The following KCNAB2 variants were observed in gnomAD, a reference collection of about 807,000 sequenced individuals.
KCNAB2 encodes voltage-gated potassium channel subunit beta-2.
Under a neutral mutation model 63.6 loss-of-function variants are expected in KCNAB2, and 29 were observed. That is an observed-to-expected ratio of 0.46 (90% confidence interval 0.34 to 0.62). KCNAB2 has a LOEUF of 0.62. Ranked by LOEUF, KCNAB2 falls within the 20% of genes least tolerant of loss-of-function variation. The probability of loss-of-function intolerance (pLI) is 0.01; values close to 1 mark genes in which losing one functional copy is unlikely to be tolerated. For missense variants in KCNAB2, 359 were observed against 563.9 expected (o/e 0.64, Z 3.68); for synonymous variants, 222 against 224.2 (o/e 0.99, Z 0.09).
chr1:6,095,259 TGCCCCGGCAGCC>T, intron 11 of KCNAB2, 52 bp from the exon 12 acceptor site: 1 of 1,533,078 alleles, frequency 6.5e-7, no homozygotes, highest in Admixed American at 2.0e-5. Flanking sequence ...TCTCCATGGC[TGCCCCGGCAGCC>T]TCCCGCCTGC....
chr1:6,008,688 G>A (rs1294314805), intron 1 of KCNAB2, among the ~76,000 whole-genome samples: 1 of 151,124 alleles, frequency 6.6e-6, no homozygotes, highest in Non-Finnish European at 1.5e-5. Flanking sequence ...GGTATCAACA[G>A]AACTGCAGCA....
intron 1 of KCNAB2, among the ~76,000 whole-genome samples, chr1:6,047,242 G>A (rs1299030684): frequency 2.6e-5 from 4 of 152,170 alleles, no homozygotes; most frequent in Admixed American, 2.0e-4. Context: ...GCAGGAGCCC[G>A]GCAGTGGGGC....
intron 2 of KCNAB2, among the ~76,000 whole-genome samples, chr1:6,057,262 T>C (rs1661919294): frequency 6.6e-6 from 1 of 151,894 alleles, no homozygotes; most frequent in Non-Finnish European, 1.5e-5. Context: ...TTTCCTGTGC[T>C]TTCTGACTCT....
intron 1 of KCNAB2, among the ~76,000 whole-genome samples, chr1:5,995,256 C>G (rs1281307412): frequency 6.6e-6 from 1 of 152,184 alleles, no homozygotes; most frequent in African/African-American, 2.4e-5. Flanking sequence ...GGACTTGGGT[C>G]TTGGCACCCA....
chr1:6,093,829 C>T (rs1665393224), intron 10 of KCNAB2, among the ~76,000 whole-genome samples: 1 of 152,214 alleles, frequency 6.6e-6, no homozygotes, highest in African/African-American at 2.4e-5. Flanking sequence ...ATGAGCTCAG[C>T]CCCGAAGCCC....
intron 1 of KCNAB2, chr1:6,018,883 A>G (rs1314087643): frequency 1.3e-5 from 2 of 152,228 alleles, no homozygotes; most frequent in African/African-American, 2.4e-5. Flanking sequence ...AGATAACAAG[A>G]TAGCTTGGCT....
In KCNAB2 at chr1:6,035,720, C is replaced by T. The variant is rs1659982503; in HGVS notation, c.-53+926C>T. Among the ~76,000 whole-genome samples, 1 of 150,280 alleles carries T rather than the reference C, an allele frequency of 6.7e-6. No individual in the cohort carries two copies. The highest frequency in any genetic ancestry group is 6.6e-5 in the Admixed American group (1 of 15,080). ...TCCCCACCCTCATAGCTGAGCCACACAGGCAGGAAATAAACAGCTCTGGGG... is the reference window on the plus strand; with the variant it reads ...TCCCCACCCTCATAGCTGAGCCACATAGGCAGGAAATAAACAGCTCTGGGG... On this transcript the variant is annotated intron_variant, in intron 1 of 15. Coordinates refer to the KCNAB2 transcript ENST00000164247. This position sits in a 1 kb window ranked among gnomAD's most constrained non-coding sequence, Gnocchi z 5.0.
chr1:6,001,234 A>G (rs944397466), intron 1 of KCNAB2, among the ~76,000 whole-genome samples: 1 of 151,848 alleles, frequency 6.6e-6, no homozygotes, highest in Non-Finnish European at 1.5e-5. Context: ...TGGAGGCCCC[A>G]GGCCCTACCC....
chr1:6,077,844 G>T (rs1423573821), intron 4 of KCNAB2, among the ~76,000 whole-genome samples: 1 of 152,228 alleles, frequency 6.6e-6, no homozygotes, highest in Admixed American at 6.5e-5. Flanking sequence ...GGGTAAAGAG[G>T]CAGGCAAGAC....
At chr1:6,056,601 T>C (rs1236065036) in intron 2 of KCNAB2, among the ~76,000 whole-genome samples, 1 of 152,018 alleles carries the variant, frequency 6.6e-6, no homozygotes, top group East Asian at 1.9e-4. Flanking sequence ...TTTCCTCTGC[T>C]CCCCATGGTG....
At chr1:6,039,348 A>G (rs1392016252) in intron 1 of KCNAB2, among the ~76,000 whole-genome samples, 1 of 152,164 alleles carries the variant, frequency 6.6e-6, no homozygotes. Flanking sequence ...GAAGCCCCCA[A>G]CCAGCAGCCA....
At chr1:6,095,465 G>GCGCCCCCCCC in intron 12 of KCNAB2, 22 bp downstream of exon 12, 4 of 1,586,166 alleles carry the variant, frequency 2.5e-6, no homozygotes, top group Non-Finnish European at 3.5e-6. Flanking sequence ...CGGGCCCCTC[G>GCGCCCCCCCC]CCCCGCCCCA....
At chr1:6,029,935 C>A (rs1041448411), upstream of KCNAB2, among the ~76,000 whole-genome samples, 4 of 152,232 alleles carry the variant, frequency 2.6e-5, no homozygotes, top group African/African-American at 2.4e-5. Context: ...TCCTCTCCAG[C>A]CTCAAAGTAC....
chr1:6,094,097 C>A (rs1002959942), intron 10 of KCNAB2, among the ~76,000 whole-genome samples: 2 of 152,200 alleles, frequency 1.3e-5, no homozygotes, highest in Admixed American at 1.3e-4. Flanking sequence ...ATTGTCCCCT[C>A]TAATCTACCA....
intron 1 of KCNAB2, among the ~76,000 whole-genome samples, chr1:6,012,052 G>A (rs558348329): frequency 2.4e-4 from 37 of 151,076 alleles, no homozygotes; most frequent in Middle Eastern, 3.5e-3. Context: ...GAGGTGGTGG[G>A]TGGAGGTGAT....
chr1:6,093,140 T>C (rs1036953293), intron 10 of KCNAB2, among the ~76,000 whole-genome samples: 3 of 152,062 alleles, frequency 2.0e-5, no homozygotes, highest in Non-Finnish European at 4.4e-5. Flanking sequence ...TCAGCCCCAC[T>C]CCCAGCATTT....
At chr1:6,044,337 T>C (rs1268029031), upstream of KCNAB2, among the ~76,000 whole-genome samples, 1 of 151,748 alleles carries the variant, frequency 6.6e-6, no homozygotes, top group African/African-American at 2.4e-5. Context: ...GCATTTGGGG[T>C]CCAAGGAAGG....
rs987403811 is a variant in KCNAB2 at position 6,074,221 on chromosome 1, T to G, written c.300+451T>G. ...GTGTCACAAGCTGAAGAACCTGAGATCTGCATTTCACCCAACATCCACTGT... is the reference window on the plus strand; with the variant it reads ...GTGTCACAAGCTGAAGAACCTGAGAGCTGCATTTCACCCAACATCCACTGT... On this transcript the variant is annotated intron_variant, in intron 4 of 15. Transcript: ENST00000378083. The surrounding 1 kb of genome is among the most constrained non-coding windows in gnomAD (Gnocchi z 4.9). Among the ~76,000 whole-genome samples the G allele has an allele frequency of 1.3e-5, 2 of 152,202 alleles. No individual in the cohort carries two copies. Among genetic ancestry groups the G allele is most frequent in the African/African-American group, 4.8e-5 (2 of 41,458 alleles).
At chr1:6,016,727 G>A (rs1658524252) in intron 1 of KCNAB2, among the ~76,000 whole-genome samples, 1 of 152,204 alleles carries the variant, frequency 6.6e-6, no homozygotes, top group African/African-American at 2.4e-5. Flanking sequence ...ATGGAGCATG[G>A]ACACTAATAC....
Sources: allele counts gnomAD v4.1 joint callset (sites outside exome capture counted in the v4.1 genomes callset), GRCh38; gene constraint gnomAD v4.1.1; non-coding constraint Gnocchi (gnomAD v3.1); transcripts MANE v1.5; gene names NCBI Gene and HGNC (gene_info 2026-07-23, HGNC 2026-07-21).